Variants in PTPRG observed in about 807,000 individuals in gnomAD.
PTPRG encodes protein tyrosine phosphatase receptor type G, also known as receptor-type tyrosine-protein phosphatase gamma.
Under a neutral mutation model 165.3 loss-of-function variants are expected in PTPRG, and 102 were observed. That is an observed-to-expected ratio of 0.62 (90% CI 0.53 to 0.73). The LOEUF (loss-of-function observed/expected upper bound fraction) is 0.73, where lower values mean the gene tolerates loss of function less well. PTPRG is among the 30% of genes least tolerant of loss of function. The pLI is 0.00. For synonymous variants in PTPRG, 675 were observed against 669.5 expected, an observed-to-expected ratio of 1.01 and a Z score of -0.13; for missense variants, 1,866 against 1,861.4, an observed-to-expected ratio of 1.00 and a Z score of -0.05.
chr3:62,003,521 C>A, intron 4 of PTPRG, 24 bp downstream of exon 4: 1 of 1,611,846 alleles, frequency 6.2e-7, no homozygotes, highest in Non-Finnish European at 8.5e-7. Context: ...AAGATCTCAA[C>A]GTGTAGCTGT....
chr3:61,573,392 A>G lies in PTPRG; in HGVS notation c.85+11020A>G, dbSNP rs75729322. Among the ~76,000 whole-genome samples, 1,425 of 152,328 alleles carry G rather than the reference A, an allele frequency of 9.4e-3. 15 individuals carry two copies. The highest frequency in any genetic ancestry group is 0.02 in the South Asian group (97 of 4,826). The stretch of plus-strand genomic sequence containing the variant: ...ATTGCTGCCCTCCTAATTTTTGCAC[A>G]TGGATTTCCAATAAATGATAGAAAT... On this transcript the variant is annotated intron_variant, in intron 1 of 29. Transcript: ENST00000474889.
intron 2 of PTPRG, among the ~76,000 whole-genome samples, chr3:61,897,748 A>T (rs2038395068): frequency 6.6e-6 from 1 of 152,192 alleles, no homozygotes; most frequent in Non-Finnish European, 1.5e-5. Context: ...ATTTGTTTTC[A>T]ATATCACATT....
At chr3:61,799,618 A>C (rs955175046) in intron 2 of PTPRG, among the ~76,000 whole-genome samples, 10 of 152,216 alleles carry the variant, frequency 6.6e-5, no homozygotes, top group Admixed American at 6.5e-4. Flanking sequence ...TTTGGGGTAG[A>C]AGATAACACA....
At chr3:62,075,184 T>C (rs1192431629) in intron 4 of PTPRG, among the ~76,000 whole-genome samples, 1 of 152,152 alleles carries the variant, frequency 6.6e-6, no homozygotes, top group African/African-American at 2.4e-5. Context: ...CTTGAAGAGG[T>C]CTTAAAGTAT....
At position 62,255,144 on chromosome 3, in the gene PTPRG, G is replaced by T. The variant is rs1279990571; in HGVS notation, c.2488G>T (p.Val830Phe). The T allele has an allele frequency of 5.0e-6, 8 of 1,612,830 alleles. No individual in the cohort carries two copies. The highest frequency in any genetic ancestry group is 6.8e-6 in the Non-Finnish European group (8 of 1,179,322). ...PIPDDMEAIP[V>F]KQFVKHIGEL... ...CCCAGATGACATGGAAGCCATTCCTGTCAAACAGTTTGTCAAACACATCGG... is the reference window on the plus strand; with the variant it reads ...CCCAGATGACATGGAAGCCATTCCTTTCAAACAGTTTGTCAAACACATCGG... The change falls in exon 16 of 30, where the codon GTC becomes TTC. Residue 830 changes from valine to phenylalanine, a missense_variant. By Grantham distance (50) the Val-to-Phe change is conservative. Coordinates refer to ENST00000474889, the MANE Select transcript of PTPRG (RefSeq NM_002841.4). The surrounding 1 kb of genome is among the most constrained non-coding windows in gnomAD (Gnocchi z 4.0).
intron 5 of PTPRG, among the ~76,000 whole-genome samples, chr3:62,116,595 A>T (rs915708417): frequency 6.6e-6 from 1 of 152,174 alleles, no homozygotes; most frequent in East Asian, 1.9e-4. Flanking sequence ...ATTAATGCCT[A>T]TGGAATATGG....
intron 1 of PTPRG, among the ~76,000 whole-genome samples, chr3:61,628,980 G>C (rs1050683591): frequency 3.9e-5 from 6 of 152,172 alleles, no homozygotes; most frequent in Non-Finnish European, 7.3e-5. Flanking sequence ...GGTAGGTAAT[G>C]TGGGCTGTTT....
intron 4 of PTPRG, among the ~76,000 whole-genome samples, chr3:62,066,029 G>A (rs986668518): frequency 1.3e-5 from 2 of 152,082 alleles, no homozygotes; most frequent in African/African-American, 4.8e-5. Context: ...GCTGTATAGT[G>A]CAAAATGTAG....
At chr3:61,810,588 A>G (rs2035545081) in intron 2 of PTPRG, among the ~76,000 whole-genome samples, 1 of 152,132 alleles carries the variant, frequency 6.6e-6, no homozygotes, top group South Asian at 2.1e-4. Flanking sequence ...TATGATGCAG[A>G]CCCAGCTAGA....
In PTPRG at chr3:62,214,905, C is replaced by T. The variant is rs555000191; in HGVS notation, c.2156-3946C>T. On this transcript the variant is annotated intron_variant, in intron 12 of 29. Transcript: ENST00000474889. This position sits in a 1 kb window ranked among gnomAD's most constrained non-coding sequence, Gnocchi z 5.2. ...GCCCTTAAGAGATAGTACAAACTGG[C>T]GGCTTCGGGAAGCCTCACAGAGAAG... Among the ~76,000 whole-genome samples, 2 of 152,300 alleles carry T rather than the reference C, an allele frequency of 1.3e-5. No homozygotes were observed. Among genetic ancestry groups the T allele is most frequent in the Admixed American group, 1.3e-4 (2 of 15,304 alleles).
chr3:61,656,731 T>G (rs1702519388), intron 1 of PTPRG, among the ~76,000 whole-genome samples: 1 of 152,230 alleles, frequency 6.6e-6, no homozygotes, highest in Non-Finnish European at 1.5e-5. Context: ...TCTTGTAGAT[T>G]GAAGATATTT....
rs536730737 is a variant in PTPRG, at chr3:61,921,700, C to G, written c.191-67925C>G. On this transcript the variant is annotated intron_variant, in intron 2 of 29. Coordinates refer to ENST00000474889, the MANE Select transcript of PTPRG (RefSeq NM_002841.4). ...GCTCTCACATTTAGACTCAAGATTTCTAAGATATCTCATTATTTATTTGAA... is the reference window on the plus strand; with the variant it reads ...GCTCTCACATTTAGACTCAAGATTTGTAAGATATCTCATTATTTATTTGAA... 3.9e-5 allele frequency among the ~76,000 whole-genome samples: 6 copies of G among 152,226 alleles called. No homozygotes were observed. In the South Asian group the frequency reaches 8.3e-4, roughly 21 times the overall value.
At chr3:61,883,517 C>T (rs1260786325) in intron 2 of PTPRG, among the ~76,000 whole-genome samples, 3 of 151,918 alleles carry the variant, frequency 2.0e-5, no homozygotes, top group Admixed American at 6.6e-5. Context: ...CCTCTCGTTC[C>T]AGAAAAGGAA....
At chr3:62,071,452 C>T (rs1701207442) in intron 4 of PTPRG, among the ~76,000 whole-genome samples, 1 of 152,180 alleles carries the variant, frequency 6.6e-6, no homozygotes, top group South Asian at 2.1e-4. Flanking sequence ...CCCCCTCCTG[C>T]CCATTGCCTG....
At position 62,213,926 on chromosome 3, in the gene PTPRG, G is replaced by C. The variant is rs998212048; in HGVS notation, c.2156-4925G>C. On this transcript the variant is annotated intron_variant, in intron 12 of 29. Coordinates refer to ENST00000474889, the MANE Select transcript of PTPRG (RefSeq NM_002841.4). The surrounding 1 kb of genome is among the most constrained non-coding windows in gnomAD (Gnocchi z 4.4). ...AGAAGTACGGGGGCCGTGCACAGTG[G>C]CTCACACCTATAATCCCAGCACTTT... is the stretch of plus-strand genomic sequence containing the variant. 6.6e-6 allele frequency among the ~76,000 whole-genome samples: 1 copy of C among 152,148 alleles called. No homozygotes were observed. Among genetic ancestry groups the C allele is most frequent in the East Asian group, 1.9e-4 (1 of 5,184 alleles).
chr3:61,671,548 C>T (rs1702987821), intron 1 of PTPRG, among the ~76,000 whole-genome samples: 1 of 148,664 alleles, frequency 6.7e-6, no homozygotes, highest in Non-Finnish European at 1.5e-5. Context: ...TCTTTCTACA[C>T]AGACACGGCA....
intron 14 of PTPRG, among the ~76,000 whole-genome samples, chr3:62,239,352 T>C (rs890956044): frequency 2.6e-4 from 39 of 150,662 alleles, no homozygotes; most frequent in African/African-American, 9.3e-4. Flanking sequence ...TTTCTTTCTT[T>C]TTTCTTTCTT....
chr3:61,994,256 T>C (rs186645990), intron 3 of PTPRG, among the ~76,000 whole-genome samples: 1 of 152,394 alleles, frequency 6.6e-6, no homozygotes, highest in East Asian at 1.9e-4. Context: ...GCTTCTGATG[T>C]ATGTTAATAA....
chr3:61,596,738 A>C (rs7634395), intron 1 of PTPRG, among the ~76,000 whole-genome samples: 14,613 of 152,172 alleles, frequency 0.096, 777 homozygotes, highest in East Asian at 0.22. Context: ...CAATGAACAA[A>C]AATGAGAATT....
Sources: gnomAD v4.1 joint callset for allele counts (sites outside exome capture counted in the v4.1 genomes callset) on GRCh38, gnomAD v4.1.1 for gene constraint, Gnocchi (gnomAD v3.1) non-coding constraint, MANE v1.5 for transcripts, NCBI Gene and HGNC (gene_info 2026-07-23, HGNC 2026-07-21) for gene names.